The following RPA3 variants were observed in gnomAD, a reference collection of about 807,000 sequenced individuals.
The protein encoded by RPA3 is replication protein A 14 kDa subunit.
RPA3 carries 24 observed loss-of-function variants against 13.7 expected under a neutral mutation model. The ratio of observed to expected loss-of-function variants is 1.75; its 90% CI spans 1.27 to 2.46. The LOEUF is 2.46. RPA3 is among the 30% of genes most tolerant of loss of function. The pLI is 0.00. For missense variants in RPA3, 183 were observed against 151.0 expected, an observed-to-expected ratio of 1.21 and a Z score of -1.11; for synonymous variants, 59 against 51.2, an observed-to-expected ratio of 1.15 and a Z score of -0.65.
chr7:7,679,925 T>A (rs1012262175), intron 4 of RPA3, among the ~76,000 whole-genome samples: 1 of 151,916 alleles, frequency 6.6e-6, no homozygotes, highest in Non-Finnish European at 1.5e-5. Context: ...GTTCCTTATA[T>A]ATACTGATTG....
At chr7:7,693,824 C>T (rs1407802315) in intron 2 of RPA3, among the ~76,000 whole-genome samples, 1 of 152,094 alleles carries the variant, frequency 6.6e-6, no homozygotes, top group Admixed American at 6.5e-5. Flanking sequence ...CATATTAACA[C>T]TACTTACCAT....
intron 2 of RPA3, among the ~76,000 whole-genome samples, chr7:7,710,723 A>T (rs183432608): frequency 1.1e-3 from 167 of 152,360 alleles, no homozygotes; most frequent in East Asian, 1.2e-3. Flanking sequence ...TTGAAGACGT[A>T]TATGTGCATA....
chr7:7,660,814 G>T (rs917357362), intron 4 of RPA3, among the ~76,000 whole-genome samples: 3 of 152,162 alleles, frequency 2.0e-5, no homozygotes, highest in Non-Finnish European at 2.9e-5. Context: ...TCTTTGTGGT[G>T]TTCTCTGTAT....
At chr7:7,688,065 A>G (rs1186830031) in intron 2 of RPA3, among the ~76,000 whole-genome samples, 1 of 152,280 alleles carries the variant, frequency 6.6e-6, no homozygotes, top group Middle Eastern at 3.4e-3. Flanking sequence ...TTCTTAACCC[A>G]TGTTGAGTTT....
At chr7:7,684,071 C>T (rs1779981011) in intron 4 of RPA3, among the ~76,000 whole-genome samples, 1 of 152,208 alleles carries the variant, frequency 6.6e-6, no homozygotes, top group Admixed American at 6.5e-5. Flanking sequence ...CATACATCCT[C>T]CCATATACTT....
intron 2 of RPA3, among the ~76,000 whole-genome samples, chr7:7,709,932 C>T (rs992176556): frequency 2.0e-5 from 3 of 152,114 alleles, no homozygotes; most frequent in African/African-American, 7.2e-5. Context: ...AAATTCCACT[C>T]TTTAAATTCT....
intron 4 of RPA3, among the ~76,000 whole-genome samples, chr7:7,649,686 G>C (rs1443624822): frequency 6.6e-6 from 1 of 151,058 alleles, no homozygotes; most frequent in Non-Finnish European, 1.5e-5. Context: ...ATTCTTGTTG[G>C]TGGGGGGGCC....
intron 2 of RPA3, among the ~76,000 whole-genome samples, chr7:7,698,518 A>G (rs1206618441): frequency 6.6e-6 from 1 of 152,168 alleles, no homozygotes; most frequent in Non-Finnish European, 1.5e-5. Context: ...AGGTTGAATC[A>G]TTGCAGGCTT....
intron 2 of RPA3, among the ~76,000 whole-genome samples, chr7:7,712,551 A>G (rs1021159603): frequency 6.6e-6 from 1 of 152,188 alleles, no homozygotes; most frequent in East Asian, 1.9e-4. Context: ...AACCATCTTG[A>G]TAAAATATTT....
chr7:7,698,903 C>T (rs548722068), intron 2 of RPA3, among the ~76,000 whole-genome samples: 1 of 150,360 alleles, frequency 6.7e-6, no homozygotes, highest in African/African-American at 2.5e-5. Context: ...CAGTCTCACC[C>T]TGTTGCCCAG....
At chr7:7,669,300 TTAGTGGCATTTG>T in intron 4 of RPA3, among the ~76,000 whole-genome samples, 2 of 152,280 alleles carry the variant, frequency 1.3e-5, no homozygotes, top group Middle Eastern at 6.8e-3. Flanking sequence ...TCAGTAAATG[TTAGTGGCATTTG>T]TAGTTATTCC....
rs1784937082 is a variant in RPA3, at chr7:7,640,356, G to A, written c.63C>T (p.Ile21=). The A allele has an allele frequency of 1.2e-6, 2 of 1,613,934 alleles. No individual in the cohort carries two copies. The highest frequency in any genetic ancestry group is 1.7e-5 in the Admixed American group (1 of 59,976). The change falls in exon 5 of 8, where the codon ATC becomes ATT. Residue 21 remains isoleucine (I), a synonymous_variant. Transcript: ENST00000223129. ...RINAGMLAQF[I]DKPVCFVGRL... ...TCCCTACGAAGCAGACAGGCTTGTC[G>A]ATGAATTGAGCTAGCATGCCGGCGT... is the stretch of plus-strand genomic sequence containing the variant.
At chr7:7,647,732 G>A (rs935070770) in intron 4 of RPA3, among the ~76,000 whole-genome samples, 1 of 152,188 alleles carries the variant, frequency 6.6e-6, no homozygotes, top group African/African-American at 2.4e-5. Flanking sequence ...GAGTAGCTGG[G>A]ACTGCAGGCA....
At chr7:7,647,331 A>G (rs953456474) in intron 4 of RPA3, among the ~76,000 whole-genome samples, 3 of 152,160 alleles carry the variant, frequency 2.0e-5, no homozygotes, top group African/African-American at 7.2e-5. Flanking sequence ...ATCTGAGGGT[A>G]TGGTTTGTCT....
At chr7:7,642,925 C>T (rs1226738064) in intron 4 of RPA3, among the ~76,000 whole-genome samples, 3 of 152,112 alleles carry the variant, frequency 2.0e-5, no homozygotes, top group African/African-American at 4.8e-5. Context: ...CAGTCTTTGA[C>T]CTTTATATAA....
In RPA3 at chr7:7,636,674, C is replaced by A; in HGVS notation, c.*326G>T. On this transcript the variant is annotated 3_prime_UTR_variant, in exon 8 of 8. Coordinates refer to ENST00000223129, the MANE Select transcript of RPA3 (RefSeq NM_002947.5). ...ATGGCTATGAAATTTCAAGTTTGTG[C>A]TTGAATACATGATTAAAAGAATGAA... The A allele has an allele frequency of 4.8e-6, 1 of 209,430 alleles. No individual in the cohort carries two copies. Among genetic ancestry groups the A allele is most frequent in the Non-Finnish European group, 9.4e-6 (1 of 105,994 alleles). 13.0% of individuals were successfully genotyped at this position (209,430 alleles called of 1,614,324 possible). A position where few individuals can be genotyped will look rare whatever the true frequency, so the allele number is the denominator to read the frequency against.
intron 5 of RPA3, chr7:7,639,934 T>A: frequency 4.3e-6 from 1 of 230,876 alleles, no homozygotes; most frequent in Non-Finnish European, 8.7e-6. Context: ...GGAAACGAGG[T>A]TTGCAAAAAT....
At chr7:7,670,746 A>G (rs1779586285) in intron 4 of RPA3, among the ~76,000 whole-genome samples, 2 of 152,054 alleles carry the variant, frequency 1.3e-5, no homozygotes, top group African/African-American at 4.8e-5. Context: ...TTACCCTTAC[A>G]CCCTGGTGGA....
intron 2 of RPA3, among the ~76,000 whole-genome samples, chr7:7,711,649 T>G (rs1221654557): frequency 1.3e-5 from 2 of 152,150 alleles, no homozygotes; most frequent in Non-Finnish European, 2.9e-5. Flanking sequence ...GTGGTTTTTT[T>G]GCTCAGTAAA....
Sources: allele counts gnomAD v4.1 joint callset (sites outside exome capture counted in the v4.1 genomes callset), GRCh38; gene constraint gnomAD v4.1.1; transcripts MANE v1.5; gene names NCBI Gene and HGNC (gene_info 2026-07-23, HGNC 2026-07-21).